The following MECOM variants were observed in gnomAD, a reference collection of about 807,000 sequenced individuals.
MECOM encodes histone-lysine N-methyltransferase MECOM.
In MECOM, 13 loss-of-function variants were observed where a neutral mutation model predicts 116.3. The observed-to-expected ratio is 0.11, with a 90% CI of 0.07 to 0.18. MECOM has a LOEUF of 0.18. Ranked by LOEUF, MECOM falls within the 10% of genes least tolerant of loss-of-function variation. The pLI is 1.00. For synonymous variants in MECOM, 528 were observed against 535.2 expected, an observed-to-expected ratio of 0.99 and a Z score of 0.19; for missense variants, 1,299 against 1,509.0, an observed-to-expected ratio of 0.86 and a Z score of 2.31.
chr3:169,376,306 A>G (rs1161289043), intron 2 of MECOM, among the ~76,000 whole-genome samples: 2 of 152,318 alleles, frequency 1.3e-5, no homozygotes, highest in East Asian at 1.9e-4. Context: ...CCTATTCAAC[A>G]TAGTATTAGA....
chr3:169,375,524 A>G (rs890638532), intron 2 of MECOM, among the ~76,000 whole-genome samples: 1 of 152,142 alleles, frequency 6.6e-6, no homozygotes, highest in South Asian at 2.1e-4. Flanking sequence ...CAGAAATACA[A>G]ACTACCATCA....
chr3:169,183,753 TACATACATACAC>T (rs1746299590), intron 2 of MECOM, among the ~76,000 whole-genome samples: 1 of 95,458 alleles, frequency 1.0e-5, no homozygotes, highest in Non-Finnish European at 2.1e-5. Flanking sequence ...CTGTAGAAGA[TACATACATACAC>T]ACACACACAC....
intron 1 of MECOM, among the ~76,000 whole-genome samples, chr3:169,505,507 T>C (rs1257488569): frequency 6.6e-6 from 1 of 152,226 alleles, no homozygotes; most frequent in Non-Finnish European, 1.5e-5. Flanking sequence ...TCAAGCTAGT[T>C]GACATATATA....
chr3:169,433,637 AAGAG>A (rs71635212), intron 1 of MECOM, among the ~76,000 whole-genome samples: 1 of 87,480 alleles, frequency 1.1e-5, no homozygotes, highest in South Asian at 4.1e-4. Flanking sequence ...AAGAAAGAGA[AAGAG>A]AAAGAAAGAA....
chr3:169,180,512 A>T (rs1428799272), intron 2 of MECOM, among the ~76,000 whole-genome samples: 1 of 152,066 alleles, frequency 6.6e-6, no homozygotes, highest in African/African-American at 2.4e-5. Context: ...CCTACTACTT[A>T]TCATGTGTCC....
intron 2 of MECOM, among the ~76,000 whole-genome samples, chr3:169,245,184 G>A (rs1182218879): frequency 6.6e-6 from 1 of 152,054 alleles, no homozygotes; most frequent in Non-Finnish European, 1.5e-5. Context: ...AACATAAATA[G>A]TATTTGTTGT....
chr3:169,117,770 T>G (rs576579054), intron 7 of MECOM, among the ~76,000 whole-genome samples: 8 of 152,338 alleles, frequency 5.3e-5, no homozygotes, highest in African/African-American at 1.9e-4. Flanking sequence ...GCCAAGTATA[T>G]TTTAAGACCA....
At chr3:169,129,737 A>G (rs1285736703) in intron 4 of MECOM, among the ~76,000 whole-genome samples, 2 of 152,120 alleles carry the variant, frequency 1.3e-5, no homozygotes, top group African/African-American at 4.8e-5. Flanking sequence ...TGCATGGAAA[A>G]AGCCTAGGTA....
At chr3:169,225,795 A>G (rs116167040) in intron 2 of MECOM, among the ~76,000 whole-genome samples, 15,303 of 152,154 alleles carry the variant, frequency 0.1, 958 homozygotes, top group East Asian at 0.31. Flanking sequence ...TTTTTAGTAA[A>G]TAGGGGCTTT....
At chr3:169,527,886 CTCT>C (rs1758142957) in intron 1 of MECOM, among the ~76,000 whole-genome samples, 2 of 152,338 alleles carry the variant, frequency 1.3e-5, no homozygotes, top group South Asian at 4.1e-4. Flanking sequence ...CGGGCTCTCT[CTCT>C]TCTTTGGTAG....
In MECOM at chr3:169,663,508, CT is replaced by C; in HGVS notation, c.-137del. On this transcript the variant is annotated 5_prime_UTR_variant, in exon 1 of 17. Transcript: ENST00000651503. ...TCTCTCTCTCTCTCTCTCTCTCTCT[CT>C]CTCTCTCTCTCTCTCTCTCTCCCTC... The C allele has an allele frequency of 2.1e-5, 14 of 674,910 alleles. No homozygotes were observed. In the South Asian group the frequency reaches 2.4e-4, roughly 11 times the overall value. 41.8% of individuals were successfully genotyped at this position (674,910 alleles called of 1,614,324 possible).
chr3:169,438,664 A>G (rs1450915827), intron 1 of MECOM, among the ~76,000 whole-genome samples: 2 of 151,074 alleles, frequency 1.3e-5, no homozygotes, highest in Non-Finnish European at 3.0e-5. Flanking sequence ...ATGCACAGAA[A>G]TGGTGAAGGG....
chr3:169,113,402 T>C (rs1267479557), intron 8 of MECOM, among the ~76,000 whole-genome samples: 1 of 150,412 alleles, frequency 6.6e-6, no homozygotes, highest in Non-Finnish European at 1.5e-5. Context: ...TTTAAACATA[T>C]AGCATAATAT....
rs1560318275 is a variant in MECOM at position 169,472,556 on chromosome 3, AAGAGAGGAGAGGAGAGGAG to A, written c.38-91051_38-91033del. On this transcript the variant is annotated intron_variant, in intron 1 of 16. Transcript: ENST00000651503. ...AGAAAAGGAAAGGAAAGGAAAAGAA[AAGAGAGGAGAGGAGAGGAG>A]AGGAGAGGAAAGGAAAGGAAAGGAA... 4.2e-4 allele frequency among the ~76,000 whole-genome samples: 34 copies of A among 80,778 alleles called. 1 individual carries two copies. Among genetic ancestry groups the A allele is most frequent in the Non-Finnish European group, 4.8e-4 (21 of 44,048 alleles). The allele number at this position is 80,778 out of a possible 152,430, so 53.0% of individuals were successfully genotyped here.
chr3:169,126,510 C>T (rs1373341205), intron 5 of MECOM, among the ~76,000 whole-genome samples: 1 of 152,018 alleles, frequency 6.6e-6, no homozygotes, highest in Non-Finnish European at 1.5e-5. Flanking sequence ...TACAAATCCA[C>T]ACTTTACTAA....
At chr3:169,295,466 C>T (rs952545111) in intron 2 of MECOM, among the ~76,000 whole-genome samples, 2 of 152,090 alleles carry the variant, frequency 1.3e-5, no homozygotes, top group African/African-American at 2.4e-5. Flanking sequence ...TTAAAAAGTA[C>T]AATATCACTT....
At chr3:169,219,310 TC>T (rs1408950242) in intron 2 of MECOM, among the ~76,000 whole-genome samples, 1 of 152,038 alleles carries the variant, frequency 6.6e-6, no homozygotes, top group East Asian at 1.9e-4. Context: ...ATCCAGACCA[TC>T]CTGGCTAACA....
intron 2 of MECOM, among the ~76,000 whole-genome samples, chr3:169,322,418 T>C (rs2149754582): frequency 6.6e-6 from 1 of 152,276 alleles, no homozygotes; most frequent in South Asian, 2.1e-4. Flanking sequence ...TTATTCTCCA[T>C]ACTCATTGAC....
chr3:169,333,888 C>T (rs192562575), intron 2 of MECOM, among the ~76,000 whole-genome samples: 10 of 148,074 alleles, frequency 6.8e-5, no homozygotes, highest in East Asian at 4.1e-4. Flanking sequence ...CTCCTTCCTT[C>T]CTTCCTTCCT....
Sources: gnomAD v4.1 joint callset for allele counts (sites outside exome capture counted in the v4.1 genomes callset) on GRCh38, gnomAD v4.1.1 for gene constraint, MANE v1.5 for transcripts, NCBI Gene and HGNC (gene_info 2026-07-23, HGNC 2026-07-21) for gene names.